DHX8: variants seen among roughly 807,000 people sequenced by gnomAD.
DHX8 encodes the protein DEAH-box helicase 8.
A neutral mutation model predicts 140.7 loss-of-function variants in DHX8; 67 were observed. The ratio of observed to expected loss-of-function variants is 0.48; its 90% CI spans 0.39 to 0.58. The LOEUF is 0.58. Among genes scored for constraint, DHX8 ranks in the 20% least tolerant of loss-of-function variants. The probability of loss-of-function intolerance (pLI) is 0.00; values close to 1 mark genes in which losing one functional copy is unlikely to be tolerated. For synonymous variants in DHX8, 533 were observed against 553.2 expected, an observed-to-expected ratio of 0.96 and a Z score of 0.51; for missense variants, 887 against 1,550.7, an observed-to-expected ratio of 0.57 and a Z score of 7.19.
intron 22 of DHX8, among the ~76,000 whole-genome samples, chr17:43,523,293 A>G (rs1325226144): frequency 6.6e-6 from 1 of 152,176 alleles, no homozygotes; most frequent in Non-Finnish European, 1.5e-5. Flanking sequence ...TCAGAGCCCT[A>G]GAATTCTGTG....
At chr17:43,490,287 C>A in intron 2 of DHX8, 104 bp from the exon 3 acceptor site, 1 of 808,938 alleles carries the variant, frequency 1.2e-6, no homozygotes, top group South Asian at 1.6e-5. Flanking sequence ...TAGCTAAATT[C>A]AAGTGCGTAA....
intron 12 of DHX8, among the ~76,000 whole-genome samples, chr17:43,505,821 G>C (rs916299044): frequency 6.6e-6 from 1 of 151,830 alleles, no homozygotes; most frequent in Non-Finnish European, 1.5e-5. Context: ...GAGGTAATCA[G>C]GTTTACTAGT....
Position 43,520,938 on chromosome 17 carries a change from G to A in DHX8, c.3066+59G>A, listed in dbSNP as rs1970343700. ...GCCATGAAGTTGGGGTAGTTGGCCT[G>A]TTGCCATTCCAATGCTTGATGTGGA... On this transcript the variant is annotated intron_variant, in intron 20 of 22. Coordinates refer to ENST00000262415, the MANE Select transcript of DHX8 (RefSeq NM_004941.3). The A allele has an allele frequency of 2.5e-6, 3 of 1,217,972 alleles. No individual in the cohort carries two copies. In the South Asian group the frequency reaches 4.5e-5, roughly 18 times the overall value. 75.4% of individuals were successfully genotyped at this position (1,217,972 alleles called of 1,614,324 possible).
chr17:43,543,759 C>T (rs1971648129), intron 3 of DHX8: 1 of 152,252 alleles, frequency 6.6e-6, no homozygotes, highest in South Asian at 2.1e-4. Flanking sequence ...CCAGATCCCT[C>T]CAGCACTCAC....
chr17:43,487,437 G>A (rs1230284348), intron 1 of DHX8, among the ~76,000 whole-genome samples: 3 of 151,948 alleles, frequency 2.0e-5, no homozygotes, highest in Non-Finnish European at 4.4e-5. Context: ...CAGTTTTTTT[G>A]TGGGTCTCAT....
downstream of DHX8, chr17:43,530,430 G>A: frequency 1.4e-6 from 2 of 1,399,890 alleles, no homozygotes; most frequent in Middle Eastern, 2.6e-4. Flanking sequence ...CGGGGGCTGG[G>A]CAAGCTGTTC....
Position 43,500,006 on chromosome 17 carries a change from CAAAG to C in DHX8, c.1454_1457del (p.Glu485GlyfsTer40), listed in dbSNP as rs780434960. The C allele has an allele frequency of 6.2e-7, 1 of 1,614,124 alleles. No homozygotes were observed. The highest frequency in any genetic ancestry group is 8.5e-7 in the Non-Finnish European group (1 of 1,180,020). Reference sequence around the variant, plus strand: ...CAGCAATGATGCAGAGTGCCTTGGCCAAAGAAAGGCGGGAACTCAAACAGGCCCA... The same window carrying C: ...CAGCAATGATGCAGAGTGCCTTGGCCAAAGGCGGGAACTCAAACAGGCCCA... On this transcript the variant is annotated frameshift_variant, in exon 11 of 23. Coordinates refer to ENST00000262415, the MANE Select transcript of DHX8 (RefSeq NM_004941.3). LOFTEE classifies it high-confidence loss of function.
At chr17:43,501,972 TA>T (rs1393434700) in intron 11 of DHX8, among the ~76,000 whole-genome samples, 1 of 152,174 alleles carries the variant, frequency 6.6e-6, no homozygotes, top group African/African-American at 2.4e-5. Flanking sequence ...TTGAGAAAAG[TA>T]ATTTGTTGAA....
Position 43,491,154 on chromosome 17 carries a change from A to G in DHX8, c.308-11A>G, listed in dbSNP as rs745638603. 2.3e-5 allele frequency: 34 copies of G among 1,468,088 alleles called. No homozygotes were observed. The highest frequency in any genetic ancestry group is 1.8e-4 in the South Asian group (13 of 70,938). 90.9% of individuals were successfully genotyped at this position (1,468,088 alleles called of 1,614,324 possible). ...TTTTTTTAACCCCTTCATGCTCTTT[A>G]ATGAAACAAGATCCAGTTGTTAAAC... On this transcript the variant is annotated splice_polypyrimidine_tract_variant and intron_variant, in intron 3 of 22. Transcript: ENST00000262415.
At chr17:43,504,532 G>T in intron 11 of DHX8, 112 bp from the exon 12 acceptor site, 1 of 1,007,116 alleles carries the variant, frequency 9.9e-7, no homozygotes, top group Non-Finnish European at 1.5e-6. Flanking sequence ...TTGATCACGG[G>T]TCGCTGAATT....
At chr17:43,508,608 G>A in intron 16 of DHX8, 88 bp downstream of exon 16, 1 of 747,102 alleles carries the variant, frequency 1.3e-6, no homozygotes, top group Non-Finnish European at 2.1e-6. Flanking sequence ...TGCTTAGGGT[G>A]TATGCAAGTC....
In DHX8 at chr17:43,492,928, G is replaced by C. The variant is rs1304854779; in HGVS notation, c.751G>C (p.Asp251His). ...YGERNLDRWR[D>H]KHVDRPPPEE... ...AGAGCGGAATCTGGATAGATGGCGGGATAAGCATGTGGACCGCCCTCCTCC... is the reference window on the plus strand; with the variant it reads ...AGAGCGGAATCTGGATAGATGGCGGCATAAGCATGTGGACCGCCCTCCTCC... Residue 251 changes from aspartate to histidine, a missense_variant, in exon 6 of 23, where the codon GAT becomes CAT. Physicochemically the swap from Asp to His is moderately conservative, Grantham distance 81. Coordinates refer to ENST00000262415, the MANE Select transcript of DHX8 (RefSeq NM_004941.3). 1.2e-6 allele frequency: 2 copies of C among 1,614,066 alleles called. No individual in the cohort carries two copies. The highest frequency in any genetic ancestry group is 1.7e-6 in the Non-Finnish European group (2 of 1,180,056).
intron 9 of DHX8, among the ~76,000 whole-genome samples, chr17:43,496,606 T>C (rs1486779467): frequency 1.3e-5 from 2 of 152,026 alleles, no homozygotes; most frequent in East Asian, 3.9e-4. Context: ...GGTGAAACCG[T>C]GTCTCTACTA....
At chr17:43,490,612 G>A in intron 3 of DHX8, 149 bp downstream of exon 3, 1 of 660,686 alleles carries the variant, frequency 1.5e-6, no homozygotes, top group Non-Finnish European at 2.5e-6. Context: ...GCGGCTCACT[G>A]CTGGAATCCC....
intron 1 of DHX8, among the ~76,000 whole-genome samples, chr17:43,486,074 G>C (rs1226991735): frequency 8.2e-6 from 1 of 122,082 alleles, no homozygotes; most frequent in African/African-American, 3.0e-5. Flanking sequence ...CATGGTGACT[G>C]GTGCTATGCA....
chr17:43,520,775 A>G lies in DHX8; in HGVS notation c.2962A>G (p.Met988Val), dbSNP rs769557888. ...RRMAEFPLEP[M>V]LCKMLIMSVH... The stretch of plus-strand genomic sequence containing the variant: ...GATGGCAGAGTTCCCTCTGGAGCCA[A>G]TGCTATGCAAAATGCTCATCATGTC... Residue 988 changes from methionine (M) to valine (V), a missense_variant, in exon 20 of 23, where the codon ATG (methionine) becomes GTG (valine). Physicochemically the swap from Met to Val is conservative, Grantham distance 21 (BLOSUM62 1). Coordinates refer to ENST00000262415, the MANE Select transcript of DHX8 (RefSeq NM_004941.3). 6.8e-6 allele frequency: 11 copies of G among 1,613,916 alleles called. No individual in the cohort carries two copies. Among genetic ancestry groups the G allele is most frequent in the Non-Finnish European group, 1.7e-6 (2 of 1,180,004 alleles).
At chr17:43,496,728 C>T (rs1023012607) in intron 9 of DHX8, among the ~76,000 whole-genome samples, 2 of 151,546 alleles carry the variant, frequency 1.3e-5, no homozygotes, top group African/African-American at 4.9e-5. Context: ...TGCCGTGAGC[C>T]GAGATCGCGC....
At chr17:43,533,492 A>G in intron 2 of DHX8, 1 of 800,828 alleles carries the variant, frequency 1.2e-6, no homozygotes, top group Non-Finnish European at 2.0e-6. Flanking sequence ...CAGGAGCCAC[A>G]GACTCAGCCC....
intron 1 of DHX8, among the ~76,000 whole-genome samples, chr17:43,486,890 AAAAG>A (rs1968190010): frequency 6.6e-6 from 1 of 151,874 alleles, no homozygotes; most frequent in African/African-American, 2.4e-5. Flanking sequence ...AAAAAAAAAA[AAAAG>A]ATTACTGATG....
Sources: allele counts gnomAD v4.1 joint callset (sites outside exome capture counted in the v4.1 genomes callset), GRCh38; gene constraint gnomAD v4.1.1; transcripts MANE v1.5; gene names NCBI Gene and HGNC (gene_info 2026-07-23, HGNC 2026-07-21).